The following HTR4 variants were observed in gnomAD, a reference collection of about 807,000 sequenced individuals.
The protein encoded by HTR4 is 5-hydroxytryptamine (serotonin) receptor 4, G protein-coupled.
Under a neutral mutation model 36.8 loss-of-function variants are expected in HTR4, and 16 were observed. The observed-to-expected ratio is 0.43, with a 90% confidence interval of 0.29 to 0.66. The LOEUF is 0.66. HTR4 is among the 30% of genes least tolerant of loss of function. The pLI is 0.13. For missense variants in HTR4, 438 were observed against 490.9 expected, an observed-to-expected ratio of 0.89 and a Z score of 1.02; for synonymous variants, 189 against 185.1, an observed-to-expected ratio of 1.02 and a Z score of -0.17.
Position 148,650,532 on chromosome 5 carries a change from G to T in HTR4, c.-48+3530C>A, listed in dbSNP as rs1754002616. Among the ~76,000 whole-genome samples the T allele has an allele frequency of 2.0e-5, 3 of 151,974 alleles. No individual in the cohort carries two copies. In the South Asian group the frequency reaches 6.3e-4, roughly 32 times the overall value. ...AAAGTCAACAGCATGCAGAATGGAG[G>T]AATCAAAGGGCAAACCAAGAAGAAT... On this transcript the variant is annotated intron_variant, in intron 1 of 6. Transcript: ENST00000377888.
intron 5 of HTR4, among the ~76,000 whole-genome samples, chr5:148,457,599 T>G (rs1402626705): frequency 6.7e-6 from 1 of 150,092 alleles, no homozygotes; most frequent in Non-Finnish European, 1.5e-5. Context: ...GAGGGAGGTT[T>G]GCTAGATGTT....
downstream of HTR4, among the ~76,000 whole-genome samples, chr5:148,472,488 G>A (rs1212901959): frequency 6.6e-6 from 1 of 152,114 alleles, no homozygotes; most frequent in African/African-American, 2.4e-5. Flanking sequence ...GGTGGTGCTG[G>A]TGATGTTGGT....
rs79096841 is a variant in HTR4, at chr5:148,482,404, T to G, written c.*799A>C. ...CTAGCCCAGCAGGAGAGCGAGCATC[T>G]CAGGGCAGACACGCCAGCGGCCAGG... On this transcript the variant is annotated 3_prime_UTR_variant, in exon 7 of 7. Transcript: ENST00000377888. 1.0e-6 allele frequency: 1 copy of G among 985,648 alleles called. No individual in the cohort carries two copies. Among genetic ancestry groups the G allele is most frequent in the Non-Finnish European group, 1.2e-6 (1 of 830,138 alleles). The allele number at this position is 985,648 out of a possible 1,614,324, so 61.1% of individuals were successfully genotyped here.
chr5:148,536,649 C>T (rs1204075217), intron 4 of HTR4, among the ~76,000 whole-genome samples: 4 of 152,156 alleles, frequency 2.6e-5, no homozygotes, highest in African/African-American at 9.6e-5. Flanking sequence ...CAAAGAAGGG[C>T]ATTACATAAT....
chr5:148,496,820 T>C (rs1227643530), intron 6 of HTR4, among the ~76,000 whole-genome samples: 1 of 152,238 alleles, frequency 6.6e-6, no homozygotes, highest in Non-Finnish European at 1.5e-5. Context: ...CCTGCAGTGA[T>C]GTTCACCGTA....
At chr5:148,454,744 A>C (rs553444053) in intron 5 of HTR4, among the ~76,000 whole-genome samples, 62 of 152,294 alleles carry the variant, frequency 4.1e-4, no homozygotes, top group African/African-American at 1.5e-3. Flanking sequence ...GGCAGGTGAT[A>C]AGACTGGTAT....
intron 2 of HTR4, among the ~76,000 whole-genome samples, chr5:148,586,492 G>T (rs1390572129): frequency 6.6e-6 from 1 of 152,032 alleles, no homozygotes; most frequent in Non-Finnish European, 1.5e-5. Flanking sequence ...GGCGGCAGGA[G>T]ACAGAGAGAG....
chr5:148,507,640 T>C (rs1757289541), intron 6 of HTR4, among the ~76,000 whole-genome samples: 1 of 151,966 alleles, frequency 6.6e-6, no homozygotes, highest in Non-Finnish European at 1.5e-5. Flanking sequence ...CATCTCTAAA[T>C]TGTCTCTTTG....
chr5:148,472,626 T>A (rs913292467), downstream of HTR4, among the ~76,000 whole-genome samples: 1 of 152,142 alleles, frequency 6.6e-6, no homozygotes, highest in Admixed American at 6.5e-5. Context: ...TGGAAAAATG[T>A]ATTAAACAGG....
chr5:148,497,141 T>C (rs1345477502), intron 6 of HTR4, among the ~76,000 whole-genome samples: 1 of 152,228 alleles, frequency 6.6e-6, no homozygotes. Flanking sequence ...AAAACCATTT[T>C]TTTTAAGGAA....
chr5:148,603,310 C>T (rs946937340), intron 2 of HTR4, among the ~76,000 whole-genome samples: 4 of 151,992 alleles, frequency 2.6e-5, no homozygotes, highest in East Asian at 3.9e-4. Flanking sequence ...TCAAAAAAAG[C>T]ATTTGAAAAA....
intron 2 of HTR4, among the ~76,000 whole-genome samples, chr5:148,571,702 C>T (rs1240606068): frequency 1.3e-5 from 2 of 152,032 alleles, no homozygotes; most frequent in African/African-American, 2.4e-5. Context: ...AATGAATGCA[C>T]TGGAGTGTTC....
intron 2 of HTR4, among the ~76,000 whole-genome samples, chr5:148,619,286 A>G (rs1051187151): frequency 3.3e-5 from 5 of 152,176 alleles, no homozygotes; most frequent in African/African-American, 9.6e-5. Flanking sequence ...TCCAGTTTTA[A>G]TAATCTATGA....
chr5:148,520,724 A>T (rs1031779967), intron 5 of HTR4, among the ~76,000 whole-genome samples: 2 of 152,240 alleles, frequency 1.3e-5, no homozygotes, highest in South Asian at 4.1e-4. Context: ...AGTGTTCAAC[A>T]TTCACTGGCC....
chr5:148,510,645 T>C (rs1441729393), intron 5 of HTR4, among the ~76,000 whole-genome samples: 2 of 152,250 alleles, frequency 1.3e-5, no homozygotes, highest in Middle Eastern at 3.2e-3. Flanking sequence ...GCAAGTTTTT[T>C]CCAATAACTC....
intron 6 of HTR4, among the ~76,000 whole-genome samples, chr5:148,504,264 C>T (rs1240609364): frequency 3.3e-5 from 5 of 151,968 alleles, no homozygotes; most frequent in African/African-American, 4.8e-5. Context: ...CTTCAGCAAA[C>T]GTAAAAGAAA....
chr5:148,538,545 A>G (rs2113827508), intron 4 of HTR4, among the ~76,000 whole-genome samples: 1 of 152,306 alleles, frequency 6.6e-6, no homozygotes, highest in African/African-American at 2.4e-5. Context: ...TACAAAATCA[A>G]TGTACAAAAA....
intron 2 of HTR4, among the ~76,000 whole-genome samples, chr5:148,620,952 TAGA>T (rs1341043540): frequency 3.3e-5 from 5 of 152,232 alleles, no homozygotes; most frequent in Admixed American, 6.5e-5. Flanking sequence ...TACACTTACT[TAGA>T]AGAACAGTCA....
rs543822356 is a variant in HTR4 at position 148,545,426 on chromosome 5, G to A, written c.353+3242C>T. 2.0e-5 allele frequency among the ~76,000 whole-genome samples: 3 copies of A among 152,368 alleles called. No homozygotes were observed. In the East Asian group the frequency reaches 5.8e-4, roughly 29 times the overall value. On this transcript the variant is annotated intron_variant, in intron 4 of 6. Coordinates refer to ENST00000377888, the MANE Select transcript of HTR4 (RefSeq NM_000870.7). ...CCCCATAACAATGCAAGTTCTATGA[G>A]GGCAGGGATCTTGCCCTTGTTCGTA... is the stretch of plus-strand genomic sequence containing the variant.
Sources: allele counts gnomAD v4.1 joint callset (sites outside exome capture counted in the v4.1 genomes callset), GRCh38; gene constraint gnomAD v4.1.1; transcripts MANE v1.5; gene names NCBI Gene and HGNC (gene_info 2026-07-23, HGNC 2026-07-21).